Variants in LRRCC1 observed in about 807,000 individuals in gnomAD.
LRRCC1 encodes leucine-rich repeat and coiled-coil domain-containing protein 1.
In LRRCC1, 115 loss-of-function variants were observed where a neutral mutation model predicts 126.0. The observed-to-expected ratio is 0.91, with a 90% CI of 0.78 to 1.07. The LOEUF (loss-of-function observed/expected upper bound fraction) is 1.07, where lower values mean the gene tolerates loss of function less well. Among genes scored for constraint, LRRCC1 ranks in the 50% least tolerant of loss-of-function variants. The probability of loss-of-function intolerance (pLI) is 0.00; values close to 1 mark genes in which losing one functional copy is unlikely to be tolerated. For missense variants in LRRCC1, 1,172 were observed against 1,175.7 expected, an observed-to-expected ratio of 1.00 and a Z score of 0.05; for synonymous variants, 400 against 393.4, an observed-to-expected ratio of 1.02 and a Z score of -0.20.
chr8:85,145,389 G>A lies in LRRCC1; in HGVS notation c.2977G>A (p.Val993Ile), dbSNP rs758804072. 1.3e-6 allele frequency: 2 copies of A among 1,520,052 alleles called. No individual in the cohort carries two copies. Among genetic ancestry groups the A allele is most frequent in the Admixed American group, 2.2e-5 (1 of 45,218 alleles). The allele number at this position is 1,520,052 out of a possible 1,614,324, so 94.2% of individuals were successfully genotyped here. Reference protein sequence around the residue: ...QKCIDSANLKVHQIEKEMREL... With the variant: ...QKCIDSANLKIHQIEKEMREL... ...ATGTAAAATTTACATGTCGATTTAG[G>A]TCCATCAAATTGAAAAAGAAATGCG... Residue 993 changes from valine (V) to isoleucine (I), a missense_variant and splice_region_variant, in exon 19 of 19, where the codon GTC (valine) becomes ATC (isoleucine). Physicochemically the swap from Val to Ile is conservative, Grantham distance 29. Coordinates refer to ENST00000360375, the MANE Select transcript of LRRCC1 (RefSeq NM_033402.5).
rs567611440 is a variant in LRRCC1 at position 85,140,797 on chromosome 8, TC to T, written c.2841-584del. On this transcript the variant is annotated intron_variant, in intron 17 of 18. Coordinates refer to ENST00000360375, the MANE Select transcript of LRRCC1 (RefSeq NM_033402.5). Reference sequence around the variant, plus strand: ...CTATACCCTTAAGCCAAATGGTGGCTCACCTCTGTAATCCCAGTACTTTGGG... The same window carrying T: ...CTATACCCTTAAGCCAAATGGTGGCTACCTCTGTAATCCCAGTACTTTGGG... Among the ~76,000 whole-genome samples the T allele has an allele frequency of 2.5e-4, 38 of 152,324 alleles. No individual in the cohort carries two copies. In the East Asian group the frequency reaches 7.1e-3, roughly 29 times the overall value.
chr8:85,144,463 TATATATATATA>T lies in LRRCC1; in HGVS notation c.2977-925_2977-915del, dbSNP rs1271423982. Among the ~76,000 whole-genome samples, 151 of 48,278 alleles carry T rather than the reference TATATATATATA, an allele frequency of 3.1e-3. 1 individual carries two copies. Among genetic ancestry groups the T allele is most frequent in the African/African-American group, 0.01 (122 of 12,050 alleles). The allele number at this position is 48,278 out of a possible 152,430, so 31.7% of individuals were successfully genotyped here. A position where few individuals can be genotyped will look rare whatever the true frequency, so the allele number is the denominator to read the frequency against. ...GTGTGTGTATATATATATATATATA[TATATATATATA>T]TTTTTTTTTTTTTTGAGATGGAGTT... On this transcript the variant is annotated intron_variant, in intron 18 of 18. Transcript: ENST00000360375.
At chr8:85,143,446 T>C (rs1376020682) in intron 18 of LRRCC1, among the ~76,000 whole-genome samples, 1 of 152,092 alleles carries the variant, frequency 6.6e-6, no homozygotes, top group African/African-American at 2.4e-5. Flanking sequence ...AAGACCAGCC[T>C]GGGCAACATA....
At chr8:85,122,066 AT>A (rs975343318) in intron 6 of LRRCC1, among the ~76,000 whole-genome samples, 1 of 151,488 alleles carries the variant, frequency 6.6e-6, no homozygotes, top group South Asian at 2.1e-4. Context: ...TCAATTGACA[AT>A]TTTTTTTTCT....
At chr8:85,136,336 G>A (rs770554497) in intron 14 of LRRCC1, among the ~76,000 whole-genome samples, 3 of 151,676 alleles carry the variant, frequency 2.0e-5, no homozygotes, top group African/African-American at 4.8e-5. Flanking sequence ...GTGCAGTAGC[G>A]CAGTCTCGGC....
intron 12 of LRRCC1, 84 bp downstream of exon 12, chr8:85,132,045 T>C: frequency 9.0e-7 from 1 of 1,112,784 alleles, no homozygotes; most frequent in Non-Finnish European, 1.3e-6. Flanking sequence ...GAAACATAGC[T>C]GTATTAAATG....
At chr8:85,108,089 C>G (rs1808405056) in intron 1 of LRRCC1, among the ~76,000 whole-genome samples, 1 of 152,228 alleles carries the variant, frequency 6.6e-6, no homozygotes, top group African/African-American at 2.4e-5. Flanking sequence ...TAACATTTCT[C>G]CACTTACACT....
At position 85,138,330 on chromosome 8, in the gene LRRCC1, C is replaced by G. The variant is rs763299608; in HGVS notation, c.2703-8C>G. 6 of 1,591,346 alleles carry G rather than the reference C, an allele frequency of 3.8e-6. No homozygotes were observed. The highest frequency in any genetic ancestry group is 5.1e-6 in the Non-Finnish European group (6 of 1,172,672). The stretch of plus-strand genomic sequence containing the variant: ...CCAATTTATTTTTCAAATTACTTCT[C>G]ATATTAGTACACTGAATCGGAAGTG... On this transcript the variant is annotated splice_polypyrimidine_tract_variant and splice_region_variant and intron_variant, in intron 16 of 18. Coordinates refer to ENST00000360375, the MANE Select transcript of LRRCC1 (RefSeq NM_033402.5).
intron 1 of LRRCC1, chr8:85,108,853 AACT>A (rs1012387384): frequency 2.0e-5 from 3 of 152,180 alleles, no homozygotes; most frequent in Non-Finnish European, 4.4e-5. Flanking sequence ...GTGTTCCTGG[AACT>A]ACTATCTTCA....
Position 85,136,335 on chromosome 8 carries a change from C to T in LRRCC1, c.2329+372C>T, listed in dbSNP as rs940401334. On this transcript the variant is annotated intron_variant, in intron 14 of 18. Transcript: ENST00000360375. The stretch of plus-strand genomic sequence containing the variant: ...CGTTGCCCAGGCTGGAGTGCAGTAG[C>T]GCAGTCTCGGCTTACTGCAACCTCT... 9.2e-5 allele frequency among the ~76,000 whole-genome samples: 14 copies of T among 151,412 alleles called. No individual in the cohort carries two copies. The East Asian group carries it at 2.2e-3, about 23-fold the overall frequency.
Position 85,113,083 on chromosome 8 carries a change from T to C in LRRCC1, c.528T>C (p.Pro176=). Residue 176 remains proline (P), a synonymous_variant, in exon 4 of 19, where the codon CCT becomes CCC. Transcript: ENST00000360375. ...LILEKDGDDN[P]VCRLPGYRAV... ...TGGAGAAAGATGGAGACGATAATCC[T>C]GTCTGTCGACTGCCAGGTATGAATA... 1 of 1,608,950 alleles carries C rather than the reference T, an allele frequency of 6.2e-7. No individual in the cohort carries two copies. Among genetic ancestry groups the C allele is most frequent in the Non-Finnish European group, 8.5e-7 (1 of 1,178,154 alleles).
rs1587401674 is a variant in LRRCC1 at position 85,124,773 on chromosome 8, T to C, written c.1125-19T>C. 1 of 1,454,840 alleles carries C rather than the reference T, an allele frequency of 6.9e-7. No individual in the cohort carries two copies. Among genetic ancestry groups the C allele is most frequent in the East Asian group, 2.4e-5 (1 of 40,910 alleles). The allele number at this position is 1,454,840 out of a possible 1,614,324, so 90.1% of individuals were successfully genotyped here. On this transcript the variant is annotated intron_variant, in intron 7 of 18. Coordinates refer to ENST00000360375, the MANE Select transcript of LRRCC1 (RefSeq NM_033402.5). ...AACACTACTTTTTTGAGTTATTTTC[T>C]ATGTTTCATTCTTTACAGTTGTAAT... is the stretch of plus-strand genomic sequence containing the variant.
At chr8:85,107,650 T>A (rs1172996010) in intron 1 of LRRCC1, 1 of 365,344 alleles carries the variant, frequency 2.7e-6, no homozygotes, top group Non-Finnish European at 5.0e-6. Context: ...GCCTAGAAAC[T>A]GCCCCAGGAC....
At chr8:85,119,123 A>G (rs1809330514) in intron 6 of LRRCC1, among the ~76,000 whole-genome samples, 1 of 152,080 alleles carries the variant, frequency 6.6e-6, no homozygotes. Flanking sequence ...AAAAAAATCA[A>G]ATCAACTTAC....
At chr8:85,133,261 ACT>A (rs1379341531) in intron 12 of LRRCC1, among the ~76,000 whole-genome samples, 2 of 149,844 alleles carry the variant, frequency 1.3e-5, no homozygotes, top group African/African-American at 4.9e-5. Context: ...CCTCTTCCAT[ACT>A]CTTTCTTTGC....
chr8:85,125,206 A>G (rs994420815), intron 8 of LRRCC1, among the ~76,000 whole-genome samples: 1 of 152,144 alleles, frequency 6.6e-6, no homozygotes, highest in African/African-American at 2.4e-5. Context: ...TTTAATTCTT[A>G]TTCCTTAAGG....
intron 18 of LRRCC1, among the ~76,000 whole-genome samples, chr8:85,145,117 G>GTATATATATATATA (rs10647086): frequency 2.6e-4 from 37 of 143,368 alleles, no homozygotes; most frequent in African/African-American, 6.6e-4. Context: ...ATATATGTGT[G>GTATATATATATATA]TATATATATA....
rs73688676 is a variant in LRRCC1, at chr8:85,129,344, A to C, written c.1591A>C (p.Met531Leu). The C allele has an allele frequency of 1.9e-6, 3 of 1,612,362 alleles. No homozygotes were observed. The highest frequency in any genetic ancestry group is 1.1e-5 in the South Asian group (1 of 90,326). ...LRTLEKTLEK[M>L]ERQKRQQQAA... ...AACCCTCGAAAAAACATTAGAAAAA[A>C]TGGAGAGACAAAAAAGGCAGCAGCA... Residue 531 changes from methionine (M) to leucine (L), a missense_variant, in exon 10 of 19, where the codon ATG (methionine) becomes CTG (leucine). By Grantham distance (15) the Met-to-Leu change is conservative. Transcript: ENST00000360375.
chr8:85,138,015 T>G lies in LRRCC1; in HGVS notation c.2494-20T>G. ...GCATTTAAAGTTAATAAAAACAAAG[T>G]GCCAATTTTTTTCTTAAAGTGTTTA... On this transcript the variant is annotated intron_variant, in intron 15 of 18. Coordinates refer to ENST00000360375, the MANE Select transcript of LRRCC1 (RefSeq NM_033402.5). The G allele has an allele frequency of 7.4e-7, 1 of 1,344,200 alleles. No homozygotes were observed. Among genetic ancestry groups the G allele is most frequent in the Non-Finnish European group, 1.0e-6 (1 of 980,752 alleles). 83.3% of individuals were successfully genotyped at this position (1,344,200 alleles called of 1,614,324 possible). A position where few individuals can be genotyped will look rare whatever the true frequency, so the allele number is the denominator to read the frequency against.
Sources: gnomAD v4.1 joint callset for allele counts (sites outside exome capture counted in the v4.1 genomes callset) on GRCh38, gnomAD v4.1.1 for gene constraint, MANE v1.5 for transcripts, NCBI Gene and HGNC (gene_info 2026-07-23, HGNC 2026-07-21) for gene names.